The following LRIG1 variants were observed in gnomAD, a reference collection of about 807,000 sequenced individuals.
The protein encoded by LRIG1 is leucine rich repeats and immunoglobulin like domains 1.
In LRIG1, 48 loss-of-function variants were observed where a neutral mutation model predicts 99.2. That is an observed-to-expected ratio of 0.48 (90% confidence interval 0.38 to 0.62). LRIG1 has a LOEUF of 0.62. Ranked by LOEUF, LRIG1 falls within the 20% of genes least tolerant of loss-of-function variation. The pLI is 0.00. For missense variants in LRIG1, 1,646 were observed against 1,434.4 expected, an observed-to-expected ratio of 1.15 and a Z score of -2.38; for synonymous variants, 772 against 596.1, an observed-to-expected ratio of 1.29 and a Z score of -4.30.
intron 12 of LRIG1, among the ~76,000 whole-genome samples, chr3:66,388,944 A>G (rs1347996863): frequency 6.6e-6 from 1 of 152,202 alleles, no homozygotes; most frequent in Non-Finnish European, 1.5e-5. Flanking sequence ...ATTAAAGGTA[A>G]CTACACAGGT....
chr3:66,472,910 T>A (rs1446544193), intron 1 of LRIG1, among the ~76,000 whole-genome samples: 4 of 152,174 alleles, frequency 2.6e-5, no homozygotes, highest in Non-Finnish European at 2.9e-5. Context: ...AACTCTCATT[T>A]TGACAATTCA....
intron 9 of LRIG1, chr3:66,404,500 G>C: frequency 1.0e-6 from 1 of 975,638 alleles, no homozygotes; most frequent in South Asian, 2.4e-5. Flanking sequence ...CCAAGGGGAA[G>C]GGAACGTGGG....
At position 66,458,567 on chromosome 3, in the gene LRIG1, T is replaced by A. The variant is rs527886560; in HGVS notation, c.290+3871A>T. On this transcript the variant is annotated intron_variant, in intron 2 of 18. Transcript: ENST00000273261. The stretch of plus-strand genomic sequence containing the variant: ...AAATACAAAAATTAGCTGGGCGTGG[T>A]GGTGCACATCTGTAATCCCAGCTAC... 6.4e-4 allele frequency among the ~76,000 whole-genome samples: 97 copies of A among 151,874 alleles called. 1 individual carries two copies. Among genetic ancestry groups the A allele is most frequent in the Admixed American group, 2.6e-3 (40 of 15,238 alleles).
chr3:66,461,506 A>G (rs146662628), intron 2 of LRIG1, among the ~76,000 whole-genome samples: 129 of 152,364 alleles, frequency 8.5e-4, no homozygotes, highest in African/African-American at 3.1e-3. Context: ...TTTACATGAT[A>G]AAGTATCTTA....
intron 9 of LRIG1, chr3:66,404,372 TC>T: frequency 1.6e-6 from 2 of 1,273,184 alleles, no homozygotes; most frequent in South Asian, 2.6e-5. Flanking sequence ...CTTGCCCTCC[TC>T]CAGTCTTCCC....
chr3:66,462,455 C>G lies in LRIG1; in HGVS notation c.273G>C (p.Leu91Phe), dbSNP rs1256424663. The part of the protein sequence containing the change: ...SEIDPAGFED[L>F]PNLQEVYLNN... ...AGACTCACACTTCCTGTAGGTTCGG[C>G]AAGTCCTCAAAACCAGCAGGGTCAA... Residue 91 changes from leucine to phenylalanine, a missense_variant, in exon 2 of 19, where the codon TTG (leucine) becomes TTC (phenylalanine). Transcript: ENST00000273261. The G allele has an allele frequency of 1.2e-6, 2 of 1,612,598 alleles. No individual in the cohort carries two copies. Among genetic ancestry groups the G allele is most frequent in the Non-Finnish European group, 1.7e-6 (2 of 1,179,268 alleles).
intron 1 of LRIG1, among the ~76,000 whole-genome samples, chr3:66,497,704 CA>C (rs71616223): frequency 0.01 from 924 of 89,216 alleles, no homozygotes; most frequent in African/African-American, 0.041. Flanking sequence ...GCACTGTTTA[CA>C]AAAAAAAAAA....
At chr3:66,424,704 T>G (rs916290143) in intron 3 of LRIG1, among the ~76,000 whole-genome samples, 1 of 152,236 alleles carries the variant, frequency 6.6e-6, no homozygotes, top group Admixed American at 6.5e-5. Flanking sequence ...TACTATTATC[T>G]TTATAGGCAG....
chr3:66,491,976 A>G lies in LRIG1; in HGVS notation c.218+8214T>C, dbSNP rs1022604679. Among the ~76,000 whole-genome samples, 3 of 152,124 alleles carry G rather than the reference A, an allele frequency of 2.0e-5. 1 individual carries two copies. In the South Asian group the frequency reaches 6.2e-4, roughly 32 times the overall value. ...ATATCAACTGTTCCCTTAATTCAAA[A>G]TTTTTTCTAAAAGCTATGTATTTCA... On this transcript the variant is annotated intron_variant, in intron 1 of 18. Transcript: ENST00000273261.
chr3:66,453,946 C>T (rs559996858), intron 2 of LRIG1, among the ~76,000 whole-genome samples: 4 of 152,296 alleles, frequency 2.6e-5, no homozygotes, highest in African/African-American at 9.6e-5. Flanking sequence ...ACAAGGGAAG[C>T]GGGCATCATG....
intron 4 of LRIG1, 40 bp from the exon 5 acceptor site, chr3:66,415,103 A>G (rs1702582385): frequency 6.4e-7 from 1 of 1,564,412 alleles, no homozygotes; most frequent in South Asian, 1.2e-5. Context: ...GGTTGGTCAA[A>G]GGCCTTCCTC....
chr3:66,466,735 C>A (rs1024108151), intron 1 of LRIG1, among the ~76,000 whole-genome samples: 1 of 152,184 alleles, frequency 6.6e-6, no homozygotes, highest in Non-Finnish European at 1.5e-5. Context: ...TGAACACGAT[C>A]GCCCTGTACC....
At chr3:66,402,688 G>A (rs1702105462) in intron 9 of LRIG1, among the ~76,000 whole-genome samples, 1 of 152,130 alleles carries the variant, frequency 6.6e-6, no homozygotes, top group Non-Finnish European at 1.5e-5. Context: ...AGGGACTCAG[G>A]CACTGGCTGC....
intron 9 of LRIG1, among the ~76,000 whole-genome samples, chr3:66,403,646 C>T (rs1297791618): frequency 6.6e-6 from 1 of 152,160 alleles, no homozygotes. Flanking sequence ...AAGGCAGTGG[C>T]GGACTCATGC....
Position 66,435,116 on chromosome 3 carries a change from A to G in LRIG1, c.365+16443T>C, listed in dbSNP as rs1703311955. 9.2e-5 allele frequency among the ~76,000 whole-genome samples: 14 copies of G among 152,380 alleles called. No homozygotes were observed. In the South Asian group the frequency reaches 2.9e-3, roughly 32 times the overall value. On this transcript the variant is annotated intron_variant, in intron 3 of 18. Transcript: ENST00000273261. ...AATACAACTCTGTGATTAAAAAGGAATGGAACGACACATACAATAACCTAG... is the reference window on the plus strand; with the variant it reads ...AATACAACTCTGTGATTAAAAAGGAGTGGAACGACACATACAATAACCTAG...
At chr3:66,468,513 C>A (rs1700526294) in intron 1 of LRIG1, among the ~76,000 whole-genome samples, 1 of 152,180 alleles carries the variant, frequency 6.6e-6, no homozygotes, top group South Asian at 2.1e-4. Context: ...CTCCTGAGCG[C>A]CACAGTATTT....
rs370182130 is a variant in LRIG1 at position 66,394,073 on chromosome 3, T to C, written c.1435A>G (p.Ile479Val). ...AHPESLKGQS[I>V]FSVPPESFVC... ...AAACTCTCTGGTGGCACAGAGAAAA[T>C]GCTCTGACCCTTCAGTGATTCTGGG... Residue 479 changes from isoleucine (I) to valine (V), a missense_variant, in exon 12 of 19, where the codon ATT (isoleucine) becomes GTT (valine). Transcript: ENST00000273261. The C allele has an allele frequency of 6.2e-7, 1 of 1,614,054 alleles. No homozygotes were observed.
At chr3:66,443,953 A>AC (rs1426135996) in intron 3 of LRIG1, among the ~76,000 whole-genome samples, 1 of 151,872 alleles carries the variant, frequency 6.6e-6, no homozygotes, top group African/African-American at 2.4e-5. Context: ...GCAGGTGGGG[A>AC]CCCCAGTAGG....
At chr3:66,473,704 A>T (rs1220170054) in intron 1 of LRIG1, among the ~76,000 whole-genome samples, 1 of 152,256 alleles carries the variant, frequency 6.6e-6, no homozygotes, top group East Asian at 1.9e-4. Flanking sequence ...ACTTTTCAAG[A>T]ATACATCCGC....
Sources: allele counts gnomAD v4.1 joint callset (sites outside exome capture counted in the v4.1 genomes callset), GRCh38; gene constraint gnomAD v4.1.1; transcripts MANE v1.5; gene names NCBI Gene and HGNC (gene_info 2026-07-23, HGNC 2026-07-21).